SPAG16: variants seen among roughly 807,000 people sequenced by gnomAD.
SPAG16 encodes the protein sperm associated antigen 16, also known as sperm-associated antigen 16 protein.
A neutral mutation model predicts 80.4 loss-of-function variants in SPAG16; 86 were observed. That is an observed-to-expected ratio of 1.07 (90% CI 0.90 to 1.28). The LOEUF (loss-of-function observed/expected upper bound fraction) is 1.28, where lower values mean the gene tolerates loss of function less well. Ranked by LOEUF, SPAG16 falls within the 50% of genes most tolerant of loss-of-function variation. SPAG16 has a pLI of 0.00. For missense variants in SPAG16, 870 were observed against 765.3 expected, an observed-to-expected ratio of 1.14 and a Z score of -1.61; for synonymous variants, 294 against 265.9, an observed-to-expected ratio of 1.11 and a Z score of -1.03.
At chr2:213,473,752 C>T (rs143972730) in intron 9 of SPAG16, among the ~76,000 whole-genome samples, 10 of 152,284 alleles carry the variant, frequency 6.6e-5, no homozygotes, top group African/African-American at 2.2e-4. Flanking sequence ...TTATCCCACA[C>T]CCTTAATATC....
chr2:214,149,630 T>C (rs1355435968), intron 15 of SPAG16, among the ~76,000 whole-genome samples: 5 of 152,016 alleles, frequency 3.3e-5, no homozygotes, highest in Admixed American at 3.3e-4. Flanking sequence ...AGAACAAAAG[T>C]TTAGCAAAAA....
intron 15 of SPAG16, among the ~76,000 whole-genome samples, chr2:214,337,760 G>A (rs1453555646): frequency 6.6e-6 from 1 of 152,152 alleles, no homozygotes; most frequent in Non-Finnish European, 1.5e-5. Context: ...GCCATAGTGG[G>A]AATATTTATA....
intron 13 of SPAG16, among the ~76,000 whole-genome samples, chr2:214,038,877 A>AT (rs1305564144): frequency 6.6e-6 from 1 of 152,090 alleles, no homozygotes; most frequent in Non-Finnish European, 1.5e-5. Context: ...TGAAATCATT[A>AT]TTTTTTATGG....
intron 9 of SPAG16, among the ~76,000 whole-genome samples, chr2:213,441,295 A>G (rs2070937095): frequency 6.6e-6 from 1 of 152,232 alleles, no homozygotes; most frequent in South Asian, 2.1e-4. Context: ...ATTTACAATG[A>G]TATGTTATCC....
intron 10 of SPAG16, among the ~76,000 whole-genome samples, chr2:213,682,762 C>T (rs1044305493): frequency 2.0e-5 from 3 of 151,956 alleles, no homozygotes; most frequent in Admixed American, 6.6e-5. Context: ...TGTTTCTGGT[C>T]GGAGGTGTCA....
chr2:214,217,362 AG>A (rs796525945), intron 15 of SPAG16, among the ~76,000 whole-genome samples: 15 of 152,314 alleles, frequency 9.8e-5, no homozygotes, highest in African/African-American at 3.6e-4. Flanking sequence ...GGGAAAAGCA[AG>A]GGAGAAAAGA....
chr2:214,283,312 A>C (rs931164421), intron 15 of SPAG16, among the ~76,000 whole-genome samples: 3 of 152,152 alleles, frequency 2.0e-5, no homozygotes, highest in Admixed American at 6.5e-5. Context: ...TTTATAGTTT[A>C]GTCATGACAG....
chr2:213,777,410 C>T (rs566945171), intron 10 of SPAG16, among the ~76,000 whole-genome samples: 73 of 151,102 alleles, frequency 4.8e-4, no homozygotes, highest in Non-Finnish European at 4.9e-4. Flanking sequence ...CAACGCCCAA[C>T]TAATTTTTTT....
At chr2:213,309,924 G>GGGATA in intron 3 of SPAG16, 135 bp from the exon 4 acceptor site, 1 of 563,688 alleles carries the variant, frequency 1.8e-6, no homozygotes, top group South Asian at 2.4e-5. Context: ...AATATTAATG[G>GGGATA]TTCCTGGCAT....
intron 15 of SPAG16, among the ~76,000 whole-genome samples, chr2:214,232,782 C>A (rs1163568094): frequency 6.6e-6 from 1 of 151,812 alleles, no homozygotes; most frequent in Non-Finnish European, 1.5e-5. Context: ...TATTAGACCA[C>A]CTTACATAAA....
At chr2:213,347,183 A>G (rs940425365) in intron 6 of SPAG16, among the ~76,000 whole-genome samples, 1 of 152,042 alleles carries the variant, frequency 6.6e-6, no homozygotes, top group Non-Finnish European at 1.5e-5. Context: ...AGAGGTGTTT[A>G]TAGTATTCTC....
At chr2:213,909,509 G>T (rs967428586) in intron 11 of SPAG16, among the ~76,000 whole-genome samples, 1 of 151,942 alleles carries the variant, frequency 6.6e-6, no homozygotes, top group African/African-American at 2.4e-5. Context: ...AAACAGCATG[G>T]TACTGGTATC....
chr2:214,397,978 A>G (rs1701493819), intron 15 of SPAG16, among the ~76,000 whole-genome samples: 1 of 152,182 alleles, frequency 6.6e-6, no homozygotes, highest in South Asian at 2.1e-4. Context: ...GTGAATTAGT[A>G]AATCACACCC....
chr2:213,517,042 T>C (rs1463129368), intron 10 of SPAG16, among the ~76,000 whole-genome samples: 3 of 152,186 alleles, frequency 2.0e-5, no homozygotes, highest in African/African-American at 7.2e-5. Context: ...ACTGATGATA[T>C]GATTCTATAT....
chr2:213,930,336 T>C (rs2078696222), intron 12 of SPAG16, among the ~76,000 whole-genome samples, 191 bp downstream of exon 12: 1 of 152,192 alleles, frequency 6.6e-6, no homozygotes, highest in South Asian at 2.1e-4. Flanking sequence ...TTAATCTTTG[T>C]TGATTAATAA....
intron 9 of SPAG16, among the ~76,000 whole-genome samples, chr2:213,455,197 C>A (rs560296807): frequency 1.3e-5 from 2 of 152,160 alleles, no homozygotes. Context: ...AATGAGATTT[C>A]TTAAAATATG....
At chr2:213,678,480 A>G (rs2064213635) in intron 10 of SPAG16, among the ~76,000 whole-genome samples, 1 of 152,206 alleles carries the variant, frequency 6.6e-6, no homozygotes, top group Non-Finnish European at 1.5e-5. Flanking sequence ...ATCAGAGAAT[A>G]CTACAAACAC....
chr2:213,525,071 C>G (rs533962581), intron 10 of SPAG16, among the ~76,000 whole-genome samples: 2 of 152,142 alleles, frequency 1.3e-5, no homozygotes, highest in African/African-American at 4.8e-5. Context: ...ATGAGAGCAG[C>G]TACCTCCATG....
At chr2:214,354,166 C>A (rs768832091) in intron 15 of SPAG16, among the ~76,000 whole-genome samples, 9 of 151,936 alleles carry the variant, frequency 5.9e-5, no homozygotes, top group Non-Finnish European at 8.8e-5. Flanking sequence ...AAATGATATA[C>A]ATTTTTGTAT....
Sources: gnomAD v4.1 joint callset for allele counts (sites outside exome capture counted in the v4.1 genomes callset) on GRCh38, gnomAD v4.1.1 for gene constraint, MANE v1.5 for transcripts, NCBI Gene and HGNC (gene_info 2026-07-23, HGNC 2026-07-21) for gene names.